UBAC2: variants seen among roughly 807,000 people sequenced by gnomAD.
The protein encoded by UBAC2 is UBA domain containing 2.
UBAC2 carries 26 observed loss-of-function variants against 44.0 expected under a neutral mutation model. That is an observed-to-expected ratio of 0.59 (90% CI 0.43 to 0.82). UBAC2 has a LOEUF of 0.82. UBAC2 is among the 40% of genes least tolerant of loss of function. The pLI, the probability that UBAC2 is intolerant of heterozygous loss-of-function variation, is 0.00. For missense variants in UBAC2, 329 were observed against 419.4 expected, an observed-to-expected ratio of 0.78 and a Z score of 1.88; for synonymous variants, 155 against 154.3, an observed-to-expected ratio of 1.00 and a Z score of -0.04.
intron 6 of UBAC2, among the ~76,000 whole-genome samples, chr13:99,321,514 T>C (rs1250941028): frequency 6.6e-6 from 1 of 152,198 alleles, no homozygotes. Flanking sequence ...TTTCACCATG[T>C]TGGCCAGGCT....
chr13:99,221,417 C>T (rs1022897017), intron 1 of UBAC2, among the ~76,000 whole-genome samples: 2 of 152,118 alleles, frequency 1.3e-5, no homozygotes, highest in African/African-American at 4.8e-5. Context: ...TTGTTTGAAC[C>T]GTGGCACTAT....
chr13:99,234,672 T>C (rs1406859580), intron 1 of UBAC2, among the ~76,000 whole-genome samples: 1 of 152,204 alleles, frequency 6.6e-6, no homozygotes, highest in Non-Finnish European at 1.5e-5. Flanking sequence ...TCCCTTCTCA[T>C]AGCTCTTGTT....
chr13:99,329,055 GA>G (rs1159833859), intron 6 of UBAC2, among the ~76,000 whole-genome samples: 1 of 152,110 alleles, frequency 6.6e-6, no homozygotes, highest in East Asian at 1.9e-4. Flanking sequence ...ACCAGTTATT[GA>G]AAAGACCCTT....
intron 1 of UBAC2, among the ~76,000 whole-genome samples, chr13:99,203,927 A>G (rs570716217): frequency 2.0e-5 from 3 of 152,372 alleles, no homozygotes; most frequent in Non-Finnish European, 2.9e-5. Context: ...GCCTGTTTCA[A>G]GTGCTTGAAA....
chr13:99,270,020 G>C (rs1399293256), intron 4 of UBAC2, among the ~76,000 whole-genome samples: 2 of 152,180 alleles, frequency 1.3e-5, no homozygotes, highest in Non-Finnish European at 2.9e-5. Context: ...AACTGGTATT[G>C]TGTATGTGTG....
rs77128154 is a variant in UBAC2 at position 99,314,607 on chromosome 13, G to A, written c.513+387G>A. The A allele has an allele frequency of 9.8e-3, 1,519 of 155,586 alleles. 70 individuals carry two copies. The highest frequency in any genetic ancestry group is 0.069 in the East Asian group (370 of 5,346). 9.6% of individuals were successfully genotyped at this position (155,586 alleles called of 1,614,324 possible). A position where few individuals can be genotyped will look rare whatever the true frequency, so the allele number is the denominator to read the frequency against. ...AAATTAATTTATTGAATACAGTGTCGCAAATAAAGCTCTGAAGAAGAAACC... is the reference window on the plus strand; with the variant it reads ...AAATTAATTTATTGAATACAGTGTCACAAATAAAGCTCTGAAGAAGAAACC... On this transcript the variant is annotated intron_variant, in intron 5 of 8. Coordinates refer to ENST00000403766, the MANE Select transcript of UBAC2 (RefSeq NM_001144072.2).
intron 5 of UBAC2, among the ~76,000 whole-genome samples, chr13:99,316,009 A>G (rs1421609639): frequency 6.6e-6 from 1 of 151,876 alleles, no homozygotes; most frequent in Non-Finnish European, 1.5e-5. Context: ...TGCCGTTTCC[A>G]CAGTGTTACA....
At chr13:99,374,360 G>T (rs1446410270) in intron 8 of UBAC2, among the ~76,000 whole-genome samples, 3 of 152,100 alleles carry the variant, frequency 2.0e-5, no homozygotes, top group African/African-American at 7.2e-5. Flanking sequence ...TGATTGTGTG[G>T]CATTTAGCAT....
At position 99,295,002 on chromosome 13, in the gene UBAC2, A is replaced by C. The variant is rs191644641; in HGVS notation, c.390-19095A>C. 436 of 1,526,724 alleles carry C rather than the reference A, an allele frequency of 2.9e-4. 2 individuals are homozygous for C. The African/African-American group carries it at 5.6e-3, about 20-fold the overall frequency. The allele number at this position is 1,526,724 out of a possible 1,614,324, so 94.6% of individuals were successfully genotyped here. Reference sequence around the variant, plus strand: ...GAACAATTATTTTGCTTTATAAGGGAAGTCCTGCAAAGTTTGTCATACAGT... The same window carrying C: ...GAACAATTATTTTGCTTTATAAGGGCAGTCCTGCAAAGTTTGTCATACAGT... On this transcript the variant is annotated intron_variant, in intron 4 of 8. Transcript: ENST00000403766. The surrounding 1 kb of genome is among the most constrained non-coding windows in gnomAD (Gnocchi z 4.1).
intron 4 of UBAC2, among the ~76,000 whole-genome samples, chr13:99,308,373 A>G (rs2044367291): frequency 6.6e-6 from 1 of 151,734 alleles, no homozygotes; most frequent in African/African-American, 2.4e-5. Flanking sequence ...GCTTGTGGAA[A>G]CTCTCATAGA....
At position 99,207,923 on chromosome 13, in the gene UBAC2, C is replaced by T. The variant is rs184883168; in HGVS notation, c.31+6984C>T. ...AGCAAACCGTGTTCCTACTGACATT[C>T]TTTCTTAAGTATGCATTCAGTGTGT... On this transcript the variant is annotated intron_variant, in intron 1 of 8. Coordinates refer to ENST00000403766, the MANE Select transcript of UBAC2 (RefSeq NM_001144072.2). Among the ~76,000 whole-genome samples, 504 of 151,264 alleles carry T rather than the reference C, an allele frequency of 3.3e-3. 2 individuals carry two copies. Among genetic ancestry groups the T allele is most frequent in the African/African-American group, 0.012 (482 of 41,172 alleles).
Position 99,338,047 on chromosome 13 carries a change from C to CTTTTTTTTTTTTT in UBAC2, c.562-2257_562-2245dup, listed in dbSNP as rs869112086. Among the ~76,000 whole-genome samples the CTTTTTTTTTTTTT allele has an allele frequency of 4.0e-3, 197 of 48,872 alleles. 20 individuals carry two copies. Among genetic ancestry groups the CTTTTTTTTTTTTT allele is most frequent in the African/African-American group, 7.8e-3 (110 of 14,110 alleles). 32.1% of individuals were successfully genotyped at this position (48,872 alleles called of 152,430 possible). ...ATCTCCTAACTTTTTTTCTTTTTTT[C>CTTTTTTTTTTTTT]TTTTTTTTTTTTTTTTTTTTTTTTT... On this transcript the variant is annotated intron_variant, in intron 6 of 8. Coordinates refer to ENST00000403766, the MANE Select transcript of UBAC2 (RefSeq NM_001144072.2).
At chr13:99,321,243 G>A (rs956018099) in intron 6 of UBAC2, among the ~76,000 whole-genome samples, 1 of 152,208 alleles carries the variant, frequency 6.6e-6, no homozygotes, top group Non-Finnish European at 1.5e-5. Flanking sequence ...ATGCTTTTCT[G>A]GAAAGCTGCC....
intron 1 of UBAC2, among the ~76,000 whole-genome samples, chr13:99,224,530 C>T (rs1464429864): frequency 6.6e-6 from 1 of 152,146 alleles, no homozygotes; most frequent in Non-Finnish European, 1.5e-5. Flanking sequence ...TCATTGAAAT[C>T]CTTTCTCAGC....
intron 4 of UBAC2, among the ~76,000 whole-genome samples, chr13:99,253,600 G>A (rs568033112): frequency 4.6e-5 from 7 of 151,962 alleles, no homozygotes; most frequent in South Asian, 4.1e-4. Context: ...TGCAGCCTCC[G>A]CCTCCTGGGT....
intron 8 of UBAC2, among the ~76,000 whole-genome samples, chr13:99,370,731 C>G (rs1488771364): frequency 6.6e-6 from 1 of 152,264 alleles, no homozygotes; most frequent in East Asian, 1.9e-4. Context: ...TGTCACGTGC[C>G]CATTGACTTG....
intron 7 of UBAC2, among the ~76,000 whole-genome samples, chr13:99,367,436 GCTC>G (rs893377643): frequency 6.6e-6 from 1 of 152,190 alleles, no homozygotes; most frequent in Non-Finnish European, 1.5e-5. Flanking sequence ...AAAGCCCTGA[GCTC>G]CTAAGAGTTA....
rs574979150 is a variant in UBAC2 at position 99,201,647 on chromosome 13, C to CT, written c.31+709dup. ...TGGAATTGACTTTCGGTAAGGTAGA[C>CT]TGCGTGTTAACAGTTAGGCACGGGT... On this transcript the variant is annotated intron_variant, in intron 1 of 8. Transcript: ENST00000403766. The CT allele has an allele frequency of 2.2e-5, 33 of 1,508,716 alleles. No individual in the cohort carries two copies. The South Asian group carries it at 3.9e-4, about 18-fold the overall frequency. 93.5% of individuals were successfully genotyped at this position (1,508,716 alleles called of 1,614,324 possible). A position where few individuals can be genotyped will look rare whatever the true frequency, so the allele number is the denominator to read the frequency against.
chr13:99,229,762 C>T (rs1259607921), intron 1 of UBAC2, among the ~76,000 whole-genome samples: 1 of 152,162 alleles, frequency 6.6e-6, no homozygotes, highest in Non-Finnish European at 1.5e-5. Context: ...TTTGTTAAAA[C>T]TTTAGACTTT....
Sources: gnomAD v4.1 joint callset for allele counts (sites outside exome capture counted in the v4.1 genomes callset) on GRCh38, gnomAD v4.1.1 for gene constraint, Gnocchi (gnomAD v3.1) non-coding constraint, MANE v1.5 for transcripts, NCBI Gene and HGNC (gene_info 2026-07-23, HGNC 2026-07-21) for gene names.